The following ACOXL variants were observed in gnomAD, a reference collection of about 807,000 sequenced individuals.
ACOXL encodes acyl-coenzyme A oxidase-like protein.
Under a neutral mutation model 71.9 loss-of-function variants are expected in ACOXL, and 70 were observed. The ratio of observed to expected loss-of-function variants is 0.97; its 90% CI spans 0.80 to 1.19. The LOEUF (loss-of-function observed/expected upper bound fraction) is 1.19, where lower values mean the gene tolerates loss of function less well. Among genes scored for constraint, ACOXL ranks in the 50% most tolerant of loss-of-function variants. ACOXL has a pLI of 0.00. For synonymous variants in ACOXL, 253 were observed against 281.6 expected (o/e 0.90, Z 1.02); for missense variants, 703 against 736.3 (o/e 0.95, Z 0.52).
intron 11 of ACOXL, among the ~76,000 whole-genome samples, chr2:110,932,646 AAACCTTT>A (rs2060517762): frequency 6.6e-6 from 1 of 152,208 alleles, no homozygotes; most frequent in Non-Finnish European, 1.5e-5. Context: ...GAGGCATGTG[AAACCTTT>A]TGTGTGTGTG....
intron 9 of ACOXL, among the ~76,000 whole-genome samples, chr2:110,823,847 G>C (rs1042430800): frequency 6.6e-6 from 1 of 152,138 alleles, no homozygotes; most frequent in Non-Finnish European, 1.5e-5. Flanking sequence ...AGTTTTAAGA[G>C]TTATTTGTAT....
chr2:111,011,712 G>A (rs931854880), intron 14 of ACOXL, among the ~76,000 whole-genome samples: 3 of 151,846 alleles, frequency 2.0e-5, no homozygotes, highest in East Asian at 3.9e-4. Context: ...GCAAAACCCT[G>A]TCTCTACTAA....
At chr2:110,978,342 G>A (rs1298554798) in intron 12 of ACOXL, among the ~76,000 whole-genome samples, 1 of 152,144 alleles carries the variant, frequency 6.6e-6, no homozygotes, top group Non-Finnish European at 1.5e-5. Flanking sequence ...CACAAGGGAG[G>A]AGCCCTCATG....
chr2:111,078,925 C>G (rs766358140), intron 16 of ACOXL, among the ~76,000 whole-genome samples: 2 of 152,152 alleles, frequency 1.3e-5, no homozygotes, highest in Non-Finnish European at 2.9e-5. Flanking sequence ...GATTGTGATT[C>G]CAATGTCGGT....
intron 16 of ACOXL, among the ~76,000 whole-genome samples, chr2:111,072,149 TAAG>T (rs1043012819): frequency 1.4e-4 from 22 of 152,130 alleles, no homozygotes; most frequent in African/African-American, 5.1e-4. Context: ...AGCCCAGAAA[TAAG>T]AAGATGACAC....
chr2:110,736,619 CTTTT>C (rs57507260), intron 1 of ACOXL, among the ~76,000 whole-genome samples: 5 of 113,254 alleles, frequency 4.4e-5, no homozygotes, highest in Admixed American at 8.6e-5. Context: ...TTTGATTACT[CTTTT>C]TTTTTTTTTT....
chr2:110,991,230 A>C (rs991830887), intron 13 of ACOXL, among the ~76,000 whole-genome samples: 1 of 152,062 alleles, frequency 6.6e-6, no homozygotes, highest in South Asian at 2.1e-4. Context: ...TACCTTTTTA[A>C]CTTCTGCTAG....
chr2:111,039,082 T>C (rs2065657262), intron 15 of ACOXL, among the ~76,000 whole-genome samples: 1 of 152,210 alleles, frequency 6.6e-6, no homozygotes, highest in African/African-American at 2.4e-5. Flanking sequence ...ATGGAAACTA[T>C]TGAGTTTTTG....
chr2:111,059,066 A>G (rs1384843718), intron 16 of ACOXL, among the ~76,000 whole-genome samples: 1 of 152,164 alleles, frequency 6.6e-6, no homozygotes, highest in Non-Finnish European at 1.5e-5. Context: ...ATAGATCTCT[A>G]CAAAAAATTC....
chr2:110,855,268 A>G (rs1334088469), intron 10 of ACOXL, among the ~76,000 whole-genome samples: 1 of 152,246 alleles, frequency 6.6e-6, no homozygotes, highest in Non-Finnish European at 1.5e-5. Flanking sequence ...AATGCTATAG[A>G]TGACATATTG....
intron 2 of ACOXL, among the ~76,000 whole-genome samples, chr2:110,770,746 G>A (rs1681802567): frequency 6.6e-6 from 1 of 152,180 alleles, no homozygotes; most frequent in African/African-American, 2.4e-5. Context: ...AAGTGCGTTC[G>A]GCATGGGGCT....
At chr2:110,863,743 T>C (rs1694229473) in intron 10 of ACOXL, among the ~76,000 whole-genome samples, 1 of 152,148 alleles carries the variant, frequency 6.6e-6, no homozygotes, top group African/African-American at 2.4e-5. Flanking sequence ...ACAGCCCATG[T>C]ACTTTATGTG....
chr2:110,956,054 G>A (rs1331623080), intron 12 of ACOXL, among the ~76,000 whole-genome samples: 2 of 150,296 alleles, frequency 1.3e-5, no homozygotes, highest in East Asian at 4.0e-4. Context: ...TTCTGCGTCA[G>A]CCTCCTGAGT....
At chr2:110,939,341 A>G (rs896907189) in intron 12 of ACOXL, among the ~76,000 whole-genome samples, 55 of 152,296 alleles carry the variant, frequency 3.6e-4, no homozygotes, top group Middle Eastern at 3.4e-3. Flanking sequence ...ATATCCCAAA[A>G]TTATACTTCT....
chr2:111,003,155 T>G (rs1416453279), intron 14 of ACOXL, among the ~76,000 whole-genome samples: 2 of 152,186 alleles, frequency 1.3e-5, no homozygotes, highest in Non-Finnish European at 2.9e-5. Flanking sequence ...TATTTTCTGA[T>G]TTCAAGAGAA....
intron 14 of ACOXL, among the ~76,000 whole-genome samples, chr2:111,014,824 A>G (rs986590799): frequency 6.6e-5 from 10 of 152,340 alleles, no homozygotes; most frequent in African/African-American, 2.2e-4. Context: ...CCACATGTAT[A>G]TGTTCACTTG....
intron 16 of ACOXL, among the ~76,000 whole-genome samples, chr2:111,060,490 G>A (rs1282461372): frequency 6.6e-6 from 1 of 152,144 alleles, no homozygotes; most frequent in Non-Finnish European, 1.5e-5. Context: ...TGGTCACAGA[G>A]GTTGCAGTGT....
At chr2:110,989,369 G>C (rs1264040206) in intron 13 of ACOXL, among the ~76,000 whole-genome samples, 1 of 152,086 alleles carries the variant, frequency 6.6e-6, no homozygotes, top group Non-Finnish European at 1.5e-5. Context: ...ACAATACACT[G>C]TTATAATTAC....
intron 16 of ACOXL, among the ~76,000 whole-genome samples, chr2:111,057,110 AG>A (rs2066578224): frequency 6.6e-6 from 1 of 152,228 alleles, no homozygotes; most frequent in Admixed American, 6.5e-5. Flanking sequence ...ACCTGGGTTT[AG>A]GGAAGACTCC....
Sources: allele counts gnomAD v4.1 joint callset (sites outside exome capture counted in the v4.1 genomes callset), GRCh38; gene constraint gnomAD v4.1.1; transcripts MANE v1.5; gene names NCBI Gene and HGNC (gene_info 2026-07-23, HGNC 2026-07-21).